RNF38: variants seen among roughly 807,000 people sequenced by gnomAD.
RNF38 encodes E3 ubiquitin-protein ligase RNF38.
Under a neutral mutation model 67.2 loss-of-function variants are expected in RNF38, and 15 were observed. The observed-to-expected ratio is 0.22, with a 90% CI of 0.15 to 0.34. The LOEUF (loss-of-function observed/expected upper bound fraction) is 0.34, where lower values mean the gene tolerates loss of function less well. Ranked by LOEUF, RNF38 falls within the 10% of genes least tolerant of loss-of-function variation. The pLI, the probability that RNF38 is intolerant of heterozygous loss-of-function variation, is 1.00. For missense variants in RNF38, 524 were observed against 639.9 expected, an observed-to-expected ratio of 0.82 and a Z score of 1.95; for synonymous variants, 220 against 218.8, an observed-to-expected ratio of 1.01 and a Z score of -0.05.
intron 9 of RNF38, among the ~76,000 whole-genome samples, chr9:36,349,619 T>TA (rs1252000651): frequency 2.0e-5 from 3 of 152,196 alleles, no homozygotes; most frequent in African/African-American, 7.2e-5. Context: ...AGAAGCCTTT[T>TA]AGTTCAATGT....
chr9:36,441,792 C>T (rs1197731971), intron 1 of RNF38, among the ~76,000 whole-genome samples: 1 of 152,154 alleles, frequency 6.6e-6, no homozygotes, highest in Non-Finnish European at 1.5e-5. Flanking sequence ...TGCTCTATGA[C>T]ACCTCAAGTC....
intron 1 of RNF38, among the ~76,000 whole-genome samples, chr9:36,483,588 G>T (rs1840331340): frequency 6.6e-6 from 1 of 152,112 alleles, no homozygotes; most frequent in Non-Finnish European, 1.5e-5. Flanking sequence ...AAATTTTGGA[G>T]AAAGGACACT....
intron 9 of RNF38, among the ~76,000 whole-genome samples, chr9:36,349,374 T>A (rs201259402): frequency 2.0e-5 from 3 of 152,356 alleles, no homozygotes; most frequent in African/African-American, 7.2e-5. Flanking sequence ...ATTTCCCTGA[T>A]TGCAATGTTG....
rs771747535 is a variant in RNF38 at position 36,376,100 on chromosome 9, G to C, written c.190C>G (p.Gln64Glu). The change falls in exon 3 of 12, where the codon CAG becomes GAG. Residue 64 changes from glutamine to glutamate, a missense_variant. Physicochemically the swap from Gln to Glu is conservative, Grantham distance 29. Coordinates refer to ENST00000259605, the MANE Select transcript of RNF38 (RefSeq NM_022781.5). ...TCAAAGACTGAATGAGAGAGGCGCT[G>C]TCTCTTAGGACTTGGACTATCTTCA... The part of the protein sequence containing the change: ...QSEDSPSPKR[Q>E]RLSHSVFDYT... The C allele has an allele frequency of 6.2e-7, 1 of 1,603,302 alleles. No individual in the cohort carries two copies. The highest frequency in any genetic ancestry group is 1.1e-5 in the South Asian group (1 of 88,760).
At chr9:36,448,091 T>A (rs1478878068) in intron 1 of RNF38, among the ~76,000 whole-genome samples, 1 of 152,136 alleles carries the variant, frequency 6.6e-6, no homozygotes, top group African/African-American at 2.4e-5. Context: ...GGGAGGTGAC[T>A]TACCCAAAGG....
At chr9:36,358,936 G>A (rs1051732804) in intron 4 of RNF38, among the ~76,000 whole-genome samples, 13 of 152,172 alleles carry the variant, frequency 8.5e-5, no homozygotes, top group Admixed American at 2.0e-4. Flanking sequence ...ACTTGAACCT[G>A]GGAGGTGGAA....
chr9:36,485,116 G>C (rs147170875), intron 1 of RNF38, among the ~76,000 whole-genome samples: 8,039 of 152,110 alleles, frequency 0.053, 649 homozygotes, highest in African/African-American at 0.18. Flanking sequence ...TTGCAGTGAG[G>C]CGAGATCACG....
chr9:36,480,548 C>CTTTTTTTTTTTT (rs3072687), intron 1 of RNF38, among the ~76,000 whole-genome samples: 4 of 100,820 alleles, frequency 4.0e-5, no homozygotes, highest in Admixed American at 1.3e-4. Context: ...TTTTCTTTTT[C>CTTTTTTTTTTTT]TTTTTTTTTT....
intron 3 of RNF38, chr9:36,372,471 T>C: frequency 1.5e-6 from 1 of 679,060 alleles, no homozygotes; most frequent in Non-Finnish European, 2.7e-6. Flanking sequence ...ATTCGTTTTT[T>C]TCAAATACCT....
intron 3 of RNF38, among the ~76,000 whole-genome samples, chr9:36,373,074 G>C (rs1175261959): frequency 6.6e-6 from 1 of 152,124 alleles, no homozygotes; most frequent in Non-Finnish European, 1.5e-5. Context: ...GGGTGTTGTG[G>C]CAGGCACCTG....
intron 1 of RNF38, among the ~76,000 whole-genome samples, chr9:36,477,455 C>A (rs1359540183): frequency 6.6e-6 from 1 of 151,974 alleles, no homozygotes; most frequent in Non-Finnish European, 1.5e-5. Context: ...GTGGGAGGAT[C>A]ACTTGAGCCC....
intron 2 of RNF38, among the ~76,000 whole-genome samples, chr9:36,413,090 G>A (rs574929526): frequency 7.9e-4 from 120 of 151,892 alleles, no homozygotes; most frequent in Non-Finnish European, 1.3e-3. Flanking sequence ...AAAGCTGGGC[G>A]TGGTGGCAGG....
intron 3 of RNF38, among the ~76,000 whole-genome samples, chr9:36,373,852 CG>C: frequency 6.6e-6 from 1 of 151,660 alleles, no homozygotes; most frequent in African/African-American, 2.4e-5. Context: ...AATGCACACC[CG>C]GCTAATTTTG....
chr9:36,351,170 C>T lies in RNF38; in HGVS notation c.1208G>A (p.Gly403Asp). The T allele has an allele frequency of 6.2e-7, 1 of 1,612,916 alleles. No homozygotes were observed. Among genetic ancestry groups the T allele is most frequent in the Non-Finnish European group, 8.5e-7 (1 of 1,179,422 alleles). ...LSMLPVPPAVGPTFSFELDVE... is the reference protein window; with the variant it reads ...LSMLPVPPAVDPTFSFELDVE... ...ATCTAATTCAAAGCTGAAAGTTGGG[C>T]CCACTGCAGGTGGCACTGGAAGCAT... The change falls in exon 9 of 12, where the codon GGC (glycine) becomes GAC (aspartate). Residue 403 changes from glycine (G) to aspartate (D), a missense_variant. Around this residue, in one of 2 missense-constraint regions of RNF38, gnomAD observed 461 missense variants for 517.4 expected, o/e 0.89. Coordinates refer to ENST00000259605, the MANE Select transcript of RNF38 (RefSeq NM_022781.5).
chr9:36,428,169 C>G (rs1587120507), intron 1 of RNF38, among the ~76,000 whole-genome samples: 1 of 151,934 alleles, frequency 6.6e-6, no homozygotes, highest in South Asian at 2.1e-4. Context: ...GTAATCCCAG[C>G]ACTTTGGGAG....
In RNF38 at chr9:36,433,077, T is replaced by C. The variant is rs114952092; in HGVS notation, n.242-8394A>G. On this transcript the variant is annotated intron_variant and non_coding_transcript_variant, in intron 1 of 3. Coordinates refer to the RNF38 transcript ENST00000488058. ...TGTGATTTCTAGTATAGAGAAAAGA[T>C]TGATATTCACAGTGGAGATAAGAGA... Among the ~76,000 whole-genome samples the C allele has an allele frequency of 3.3e-3, 504 of 151,770 alleles. 2 individuals carry two copies. Among genetic ancestry groups the C allele is most frequent in the African/African-American group, 0.011 (444 of 41,324 alleles).
intron 9 of RNF38, among the ~76,000 whole-genome samples, chr9:36,349,975 C>T (rs561408690): frequency 2.6e-4 from 40 of 152,186 alleles, no homozygotes; most frequent in Non-Finnish European, 2.4e-4. Flanking sequence ...CCCGCCACCA[C>T]GCCTCGCTAA....
At chr9:36,351,624 T>C (rs532965974) in intron 8 of RNF38, among the ~76,000 whole-genome samples, 3 of 152,168 alleles carry the variant, frequency 2.0e-5, no homozygotes, top group South Asian at 2.1e-4. Flanking sequence ...GATAGAAAGA[T>C]AAATAGAGAA....
rs758669478 is a variant in RNF38, at chr9:36,376,052, G to A, written c.238C>T (p.Pro80Ser). Residue 80 changes from proline (P) to serine (S), a missense_variant, in exon 3 of 12, where the codon CCC (proline) becomes TCC (serine). Physicochemically the swap from Pro to Ser is moderately conservative, Grantham distance 74. Coordinates refer to ENST00000259605, the MANE Select transcript of RNF38 (RefSeq NM_022781.5). ...VFDYTSASPA[P>S]SPPMRPWEMT... The stretch of plus-strand genomic sequence containing the variant: ...TCCCATGGTCGCATTGGTGGTGAGG[G>A]AGCTGGTGATGCTGATGTATAATCA... 4 of 1,613,444 alleles carry A rather than the reference G, an allele frequency of 2.5e-6. No individual in the cohort carries two copies. The highest frequency in any genetic ancestry group is 1.1e-5 in the South Asian group (1 of 90,864).
Sources: gnomAD v4.1 joint callset for allele counts (sites outside exome capture counted in the v4.1 genomes callset) on GRCh38, gnomAD v4.1.1 for gene constraint, gnomAD v4.1.1 regional missense constraint, MANE v1.5 for transcripts, NCBI Gene and HGNC (gene_info 2026-07-23, HGNC 2026-07-21) for gene names.